The following CPQ variants were observed in gnomAD, a reference collection of about 807,000 sequenced individuals.
The protein encoded by CPQ is carboxypeptidase Q.
A neutral mutation model predicts 45.7 loss-of-function variants in CPQ; 37 were observed. The observed-to-expected ratio is 0.81, with a 90% confidence interval of 0.62 to 1.07. The LOEUF (loss-of-function observed/expected upper bound fraction) is 1.07, where lower values mean the gene tolerates loss of function less well. Among genes scored for constraint, CPQ ranks in the 50% least tolerant of loss-of-function variants. CPQ has a pLI of 0.00. For synonymous variants in CPQ, 186 were observed against 205.8 expected (o/e 0.90, Z 0.82); for missense variants, 537 against 572.9 (o/e 0.94, Z 0.64).
intron 1 of CPQ, among the ~76,000 whole-genome samples, chr8:96,678,833 A>G (rs1017815888): frequency 2.8e-5 from 4 of 143,840 alleles, no homozygotes; most frequent in African/African-American, 1.0e-4. Flanking sequence ...TGTTGGATAA[A>G]TAGTCCGCAA....
chr8:97,053,432 T>C (rs1393104568), intron 6 of CPQ, among the ~76,000 whole-genome samples: 1 of 151,894 alleles, frequency 6.6e-6, no homozygotes, highest in Non-Finnish European at 1.5e-5. Context: ...TTTATGGAGG[T>C]GGTAATATTT....
chr8:96,832,062 G>A (rs1226198468), intron 2 of CPQ, among the ~76,000 whole-genome samples: 1 of 152,032 alleles, frequency 6.6e-6, no homozygotes, highest in African/African-American at 2.4e-5. Flanking sequence ...CTCCAACATT[G>A]TTTTTTGTGG....
In CPQ at chr8:96,748,300, C is replaced by T. The variant is rs202060899; in HGVS notation, c.-34-36564C>T. ...TTCTGGCAATAAAAACCCTTAATTT[C>T]TCAGCATGGCTTACTAGACCTTTCC... On this transcript the variant is annotated intron_variant, in intron 1 of 7. Coordinates refer to ENST00000220763, the MANE Select transcript of CPQ (RefSeq NM_016134.4). Among the ~76,000 whole-genome samples the T allele has an allele frequency of 7.9e-5, 12 of 152,172 alleles. No individual in the cohort carries two copies. The East Asian group carries it at 2.3e-3, about 29-fold the overall frequency.
chr8:97,042,106 A>G (rs1172351980), intron 6 of CPQ, among the ~76,000 whole-genome samples: 5 of 152,092 alleles, frequency 3.3e-5, no homozygotes, highest in African/African-American at 9.7e-5. Flanking sequence ...CTGTGAATCC[A>G]TCTGGTCCTG....
At chr8:96,986,547 C>G (rs561966343) in intron 5 of CPQ, among the ~76,000 whole-genome samples, 1 of 152,160 alleles carries the variant, frequency 6.6e-6, no homozygotes, top group Non-Finnish European at 1.5e-5. Context: ...AAACAAATCT[C>G]TATTTTCAAA....
intron 1 of CPQ, among the ~76,000 whole-genome samples, chr8:96,717,738 G>T (rs918431651): frequency 2.0e-5 from 3 of 152,116 alleles, no homozygotes; most frequent in Non-Finnish European, 4.4e-5. Context: ...AAGCCAAGTC[G>T]TGGGCGCTGG....
intron 7 of CPQ, among the ~76,000 whole-genome samples, chr8:97,122,086 G>T (rs1372214183): frequency 6.6e-6 from 1 of 152,008 alleles, no homozygotes; most frequent in East Asian, 1.9e-4. Flanking sequence ...ATATGTAAAT[G>T]GAGTCCCAGA....
chr8:96,948,611 T>C (rs1019615750), intron 4 of CPQ, among the ~76,000 whole-genome samples: 3 of 152,158 alleles, frequency 2.0e-5, no homozygotes, highest in African/African-American at 7.2e-5. Flanking sequence ...AAAATGTGTA[T>C]TCTGCCACTG....
chr8:96,911,073 A>G (rs574636885), intron 4 of CPQ, among the ~76,000 whole-genome samples: 4 of 152,254 alleles, frequency 2.6e-5, no homozygotes, highest in Middle Eastern at 3.4e-3. Flanking sequence ...TGTGAATACT[A>G]TAAGACCAAA....
At chr8:96,827,651 A>G (rs760660479) in intron 2 of CPQ, among the ~76,000 whole-genome samples, 77 of 152,140 alleles carry the variant, frequency 5.1e-4, no homozygotes, top group Admixed American at 8.5e-4. Flanking sequence ...ACATAGAGCA[A>G]TTTTACCACC....
chr8:96,685,136 C>CAACAAAAAAACAAAAAAACA (rs139480355), intron 1 of CPQ, among the ~76,000 whole-genome samples: 1 of 149,814 alleles, frequency 6.7e-6, no homozygotes, highest in Admixed American at 6.6e-5. Flanking sequence ...AAACAAAAAA[C>CAACAAAAAAACAAAAAAACA]AAAAAACAGA....
At chr8:97,017,478 T>G (rs1291915548) in intron 5 of CPQ, among the ~76,000 whole-genome samples, 4 of 152,176 alleles carry the variant, frequency 2.6e-5, no homozygotes, top group Non-Finnish European at 4.4e-5. Flanking sequence ...AAAGCCCTAC[T>G]TACTTTTGCA....
intron 2 of CPQ, among the ~76,000 whole-genome samples, chr8:96,821,780 A>C (rs1315586025): frequency 2.6e-5 from 4 of 151,988 alleles, no homozygotes; most frequent in Non-Finnish European, 5.9e-5. Context: ...CAGTTTTAAA[A>C]ATTAATTTTT....
chr8:96,668,824 A>T (rs1205121145), intron 1 of CPQ, among the ~76,000 whole-genome samples: 9 of 152,102 alleles, frequency 5.9e-5, no homozygotes, highest in Admixed American at 5.9e-4. Context: ...TATATCTCAG[A>T]CTTAGAGCTG....
intron 3 of CPQ, 140 bp from the exon 4 acceptor site, chr8:96,879,658 A>C: frequency 3.2e-6 from 2 of 624,246 alleles, no homozygotes; most frequent in Admixed American, 3.0e-5. Flanking sequence ...AAAGCAAGTA[A>C]ATCAATACTT....
chr8:96,951,154 A>AT (rs1202429580), intron 4 of CPQ, among the ~76,000 whole-genome samples: 1 of 152,098 alleles, frequency 6.6e-6, no homozygotes, highest in East Asian at 1.9e-4. Context: ...CTGTAATGGC[A>AT]TAAAAAAAAC....
intron 3 of CPQ, among the ~76,000 whole-genome samples, chr8:96,870,967 AAAATTTT>A (rs1267918534): frequency 1.3e-5 from 2 of 152,074 alleles, no homozygotes; most frequent in Non-Finnish European, 2.9e-5. Context: ...CAAGGGGAAG[AAAATTTT>A]AAATCAAAAG....
intron 4 of CPQ, among the ~76,000 whole-genome samples, chr8:96,962,563 T>C (rs1264817703): frequency 3.3e-5 from 5 of 152,238 alleles, no homozygotes; most frequent in African/African-American, 9.6e-5. Context: ...GGGTAGTCTG[T>C]TTTTGTTTGT....
chr8:96,875,581 CTT>C (rs1402481209), intron 3 of CPQ, among the ~76,000 whole-genome samples: 2 of 151,842 alleles, frequency 1.3e-5, no homozygotes, highest in African/African-American at 4.8e-5. Flanking sequence ...GTCTGGGTAT[CTT>C]TGTTGAAAAT....
Sources: allele counts gnomAD v4.1 joint callset (sites outside exome capture counted in the v4.1 genomes callset), GRCh38; gene constraint gnomAD v4.1.1; transcripts MANE v1.5; gene names NCBI Gene and HGNC (gene_info 2026-07-23, HGNC 2026-07-21).